ZBBX: variants seen among roughly 807,000 people sequenced by gnomAD.
ZBBX encodes the protein zinc finger B-box domain containing.
In ZBBX, 101 loss-of-function variants were observed where a neutral mutation model predicts 108.5. The ratio of observed to expected loss-of-function variants is 0.93; its 90% CI spans 0.79 to 1.10. The LOEUF is 1.10. Among genes scored for constraint, ZBBX ranks in the 50% least tolerant of loss-of-function variants. ZBBX has a pLI of 0.00. For synonymous variants in ZBBX, 356 were observed against 323.4 expected, an observed-to-expected ratio of 1.10 and a Z score of -1.08; for missense variants, 1,009 against 941.4, an observed-to-expected ratio of 1.07 and a Z score of -0.94.
At chr3:167,321,739 A>C (rs1156256553) in intron 12 of ZBBX, among the ~76,000 whole-genome samples, 1 of 152,078 alleles carries the variant, frequency 6.6e-6, no homozygotes, top group Non-Finnish European at 1.5e-5. Flanking sequence ...ATGTTTAATT[A>C]ATTTAAAACT....
intron 9 of ZBBX, among the ~76,000 whole-genome samples, chr3:167,346,819 A>G (rs1741540810): frequency 6.6e-6 from 1 of 151,958 alleles, no homozygotes; most frequent in African/African-American, 2.4e-5. Flanking sequence ...GCATAGGAAA[A>G]TGATAAAAAC....
At chr3:167,334,609 C>T (rs1199540837) in intron 9 of ZBBX, among the ~76,000 whole-genome samples, 4 of 151,918 alleles carry the variant, frequency 2.6e-5, no homozygotes, top group African/African-American at 7.2e-5. Context: ...AACTAAAGCT[C>T]GGAGAGTTTA....
At chr3:167,388,894 C>A (rs913071342) in intron 1 of ZBBX, among the ~76,000 whole-genome samples, 1 of 151,974 alleles carries the variant, frequency 6.6e-6, no homozygotes, top group Non-Finnish European at 1.5e-5. Flanking sequence ...ATTTGCATTT[C>A]TTTTATAATA....
At chr3:167,204,319 C>T in the ZBBX span, among the ~76,000 whole-genome samples, 1 of 144,542 alleles carries the variant, frequency 6.9e-6, no homozygotes, top group Non-Finnish European at 1.5e-5. Flanking sequence ...TATACATGTG[C>T]CATGCTGGTG....
At chr3:167,301,360 A>G (rs1292915887) in intron 17 of ZBBX, among the ~76,000 whole-genome samples, 1 of 152,222 alleles carries the variant, frequency 6.6e-6, no homozygotes, top group East Asian at 1.9e-4. Context: ...AGATTCCCTG[A>G]GAAAGTGGAT....
At chr3:167,404,103 C>A (rs1748508158) in intron 1 of ZBBX, among the ~76,000 whole-genome samples, 1 of 152,034 alleles carries the variant, frequency 6.6e-6, no homozygotes, top group African/African-American at 2.4e-5. Flanking sequence ...AGGTTGAAAG[C>A]AAACTCCTAA....
intron 14 of ZBBX, among the ~76,000 whole-genome samples, 162 bp downstream of exon 14, chr3:167,316,843 T>C (rs957535708): frequency 2.0e-5 from 3 of 152,084 alleles, no homozygotes; most frequent in Non-Finnish European, 4.4e-5. Flanking sequence ...ATAATATTGT[T>C]TTATTCTTAT....
chr3:167,361,970 T>C (rs1451035041), intron 6 of ZBBX, among the ~76,000 whole-genome samples: 1 of 152,172 alleles, frequency 6.6e-6, no homozygotes, highest in Non-Finnish European at 1.5e-5. Context: ...AATACAGCCA[T>C]ATTTATTTCA....
the ZBBX span, among the ~76,000 whole-genome samples, chr3:167,228,073 A>G: frequency 6.6e-6 from 1 of 151,732 alleles, no homozygotes; most frequent in African/African-American, 2.4e-5. Context: ...ACCTTCAAAC[A>G]TGATCTCTAA....
chr3:167,235,106 C>G (rs568600887), downstream of ZBBX, among the ~76,000 whole-genome samples: 1 of 151,728 alleles, frequency 6.6e-6, no homozygotes, highest in Non-Finnish European at 1.5e-5. Flanking sequence ...GTAAATTTCA[C>G]TGCTCTTTAG....
the ZBBX span, among the ~76,000 whole-genome samples, chr3:167,200,153 A>AACATTTCC: frequency 6.6e-6 from 1 of 151,976 alleles, no homozygotes; most frequent in African/African-American, 2.4e-5. Context: ...ACCTCATTTC[A>AACATTTCC]ACTTGATTAC....
chr3:167,311,547 G>A (rs1267430308), intron 16 of ZBBX, among the ~76,000 whole-genome samples: 1 of 152,052 alleles, frequency 6.6e-6, no homozygotes, highest in Non-Finnish European at 1.5e-5. Context: ...TGATAAAAGA[G>A]TGTTATGCAA....
At chr3:167,182,597 A>G in the ZBBX span, among the ~76,000 whole-genome samples, 1 of 152,010 alleles carries the variant, frequency 6.6e-6, no homozygotes, top group African/African-American at 2.4e-5. Flanking sequence ...CCAGTCACCA[A>G]CCCCCAAAAG....
chr3:167,263,294 G>T (rs148863311), intron 20 of ZBBX, among the ~76,000 whole-genome samples: 4 of 151,814 alleles, frequency 2.6e-5, no homozygotes, highest in Non-Finnish European at 5.9e-5. Context: ...CCTGTCCTCT[G>T]GTTCTTTAAG....
At chr3:167,279,725 T>C (rs1348346135) in intron 20 of ZBBX, among the ~76,000 whole-genome samples, 2 of 151,874 alleles carry the variant, frequency 1.3e-5, no homozygotes, top group African/African-American at 4.8e-5. Context: ...AATGACTTTC[T>C]TCACAGAATT....
At position 167,348,346 on chromosome 3, in the gene ZBBX, AAGAAAGAAAGAAAGAAAGAAAG is replaced by A. The variant is rs1212097217; in HGVS notation, c.528+2052_528+2073del. ...AAAGAAAGAAAGAAAGAAAGAAAGA[AAGAAAGAAAGAAAGAAAGAAAG>A]AAAAAAAAGAAAAGAAAAGAAGAAG... On this transcript the variant is annotated intron_variant, in intron 9 of 21. Transcript: ENST00000675490. Among the ~76,000 whole-genome samples, 51 of 115,742 alleles carry A rather than the reference AAGAAAGAAAGAAAGAAAGAAAG, an allele frequency of 4.4e-4. 1 individual carries two copies. The highest frequency in any genetic ancestry group is 1.6e-3 in the African/African-American group (48 of 29,650). The allele number at this position is 115,742 out of a possible 152,430, so 75.9% of individuals were successfully genotyped here.
chr3:167,359,994 A>T lies in ZBBX; in HGVS notation c.323-15T>A. 1.4e-6 allele frequency: 2 copies of T among 1,411,438 alleles called. No individual in the cohort carries two copies. The highest frequency in any genetic ancestry group is 1.3e-5 in the South Asian group (1 of 78,176). The allele number at this position is 1,411,438 out of a possible 1,614,324, so 87.4% of individuals were successfully genotyped here. A position where few individuals can be genotyped will look rare whatever the true frequency, so the allele number is the denominator to read the frequency against. The stretch of plus-strand genomic sequence containing the variant: ...TTTCACTGGCTCTGCAAGATAAAAA[A>T]TAATATTACTCCAATCATTTAAAAA... On this transcript the variant is annotated splice_polypyrimidine_tract_variant and intron_variant, in intron 7 of 21. Coordinates refer to ENST00000675490, the MANE Select transcript of ZBBX (RefSeq NM_001199201.2).
intron 17 of ZBBX, among the ~76,000 whole-genome samples, chr3:167,301,319 T>A (rs573047045): frequency 2.8e-4 from 43 of 152,316 alleles, no homozygotes; most frequent in African/African-American, 1.0e-3. Flanking sequence ...TTCAATGGGA[T>A]GCAAATCATC....
At chr3:167,355,376 A>G (rs1743378968) in intron 8 of ZBBX, among the ~76,000 whole-genome samples, 1 of 151,898 alleles carries the variant, frequency 6.6e-6, no homozygotes, top group Admixed American at 6.6e-5. Flanking sequence ...GTAGTAACCT[A>G]TTTCACAAAT....
Sources: gnomAD v4.1 joint callset for allele counts (sites outside exome capture counted in the v4.1 genomes callset) on GRCh38, gnomAD v4.1.1 for gene constraint, MANE v1.5 for transcripts, NCBI Gene and HGNC (gene_info 2026-07-23, HGNC 2026-07-21) for gene names.